Variants in HDAC4 observed in about 807,000 individuals in gnomAD.
The protein encoded by HDAC4 is histone deacetylase A.
In HDAC4, 16 loss-of-function variants were observed where a neutral mutation model predicts 135.1. That is an observed-to-expected ratio of 0.12 (90% CI 0.08 to 0.18). The LOEUF (loss-of-function observed/expected upper bound fraction) is 0.18. Among genes scored for constraint, HDAC4 ranks in the 10% least tolerant of loss-of-function variants. HDAC4 has a pLI of 1.00. For missense variants in HDAC4, 1,143 were observed against 1,511.8 expected, an observed-to-expected ratio of 0.76 and a Z score of 4.05; for synonymous variants, 685 against 653.4, an observed-to-expected ratio of 1.05 and a Z score of -0.74.
intron 3 of HDAC4, chr2:239,190,957 T>G (rs764637745): frequency 2.1e-6 from 1 of 465,808 alleles, no homozygotes; most frequent in African/African-American, 2.0e-5. Context: ...TCTGAAAGCA[T>G]GCAGTGTGTG....
At chr2:239,055,378 C>T (rs550172886) in intron 24 of HDAC4, 2 of 180,870 alleles carry the variant, frequency 1.1e-5, no homozygotes, top group East Asian at 2.9e-4. Context: ...GTTTACAAGT[C>T]AATGACAGGG....
At chr2:239,371,056 G>A (rs1639529785) in intron 1 of HDAC4, among the ~76,000 whole-genome samples, 2 of 152,174 alleles carry the variant, frequency 1.3e-5, no homozygotes, top group Admixed American at 1.3e-4. Flanking sequence ...CTCAGCTCCT[G>A]GCAGCCACAG....
chr2:239,296,792 G>A (rs539825136), intron 2 of HDAC4, among the ~76,000 whole-genome samples: 7 of 152,218 alleles, frequency 4.6e-5, no homozygotes, highest in African/African-American at 7.2e-5. Context: ...ACCTCCGCCC[G>A]GGAGATTCTT....
chr2:239,163,992 G>A (rs528271684), intron 5 of HDAC4, 69 bp from the exon 6 acceptor site: 63 of 1,596,328 alleles, frequency 3.9e-5, no homozygotes, highest in African/African-American at 8.0e-5. Context: ...GCAGGGCAGC[G>A]GGGCCACAGA....
intron 2 of HDAC4, among the ~76,000 whole-genome samples, chr2:239,259,849 G>C (rs1325867601): frequency 6.6e-6 from 1 of 152,238 alleles, no homozygotes; most frequent in Non-Finnish European, 1.5e-5. Flanking sequence ...ATCACAGCCT[G>C]CAAGTAGGAA....
rs1319206956 is a variant in HDAC4 at position 239,245,086 on chromosome 2, C to T, written c.23-8422G>A. On this transcript the variant is annotated intron_variant, in intron 2 of 26. Coordinates refer to ENST00000543185, the MANE Select transcript of HDAC4 (RefSeq NM_001378414.1). The surrounding 1 kb of genome is among the most constrained non-coding windows in gnomAD (Gnocchi z 4.4). ...AGGCATGTCCAACATAGTTTATGTG[C>T]ATTTATTAGAGAAAATGAAAATGGA... 2.6e-5 allele frequency among the ~76,000 whole-genome samples: 4 copies of T among 152,186 alleles called. No homozygotes were observed. Among genetic ancestry groups the T allele is most frequent in the Non-Finnish European group, 5.9e-5 (4 of 68,030 alleles).
chr2:239,109,702 G>A (rs1575060584), intron 14 of HDAC4, among the ~76,000 whole-genome samples: 1 of 152,140 alleles, frequency 6.6e-6, no homozygotes, highest in Middle Eastern at 3.4e-3. Flanking sequence ...GGGCATGGCT[G>A]TGCTTGGGAG....
At chr2:239,266,315 T>G (rs1283736048) in intron 2 of HDAC4, among the ~76,000 whole-genome samples, 3 of 150,606 alleles carry the variant, frequency 2.0e-5, no homozygotes, top group Non-Finnish European at 4.5e-5. Flanking sequence ...GAGCCCACAC[T>G]GAGATTCTGA....
Position 239,299,799 on chromosome 2 carries a change from G to A in HDAC4, c.22+52879C>T, listed in dbSNP as rs1019607630. On this transcript the variant is annotated intron_variant, in intron 2 of 26. Transcript: ENST00000543185. This position sits in a 1 kb window ranked among gnomAD's most constrained non-coding sequence, Gnocchi z 4.0. Reference sequence around the variant, plus strand: ...GGCACAGCTGTTCCGCTCTGCTCCCGGCATGTCACAGGGGAGGCACACACC... The same window carrying A: ...GGCACAGCTGTTCCGCTCTGCTCCCAGCATGTCACAGGGGAGGCACACACC... 1.3e-5 allele frequency among the ~76,000 whole-genome samples: 2 copies of A among 152,146 alleles called. No individual in the cohort carries two copies. Among genetic ancestry groups the A allele is most frequent in the Non-Finnish European group, 2.9e-5 (2 of 68,028 alleles).
intron 2 of HDAC4, among the ~76,000 whole-genome samples, chr2:239,333,739 T>C (rs1433612045): frequency 6.6e-6 from 1 of 152,188 alleles, no homozygotes; most frequent in Non-Finnish European, 1.5e-5. Flanking sequence ...ATATCTGCAA[T>C]TTCACATGAC....
intron 12 of HDAC4, among the ~76,000 whole-genome samples, chr2:239,120,689 C>A (rs1331538043): frequency 6.6e-6 from 1 of 151,952 alleles, no homozygotes; most frequent in African/African-American, 2.4e-5. Context: ...GCTGCCCCAT[C>A]CCAGCAATGA....
Position 239,245,673 on chromosome 2 carries a change from G to A in HDAC4, c.23-9009C>T, listed in dbSNP as rs1464471489. ...ATTTCCTGGCGGGAGGTGGCTGTGG[G>A]CACTCGCTCTATGCACTGGTCTCTT... On this transcript the variant is annotated intron_variant, in intron 2 of 26. Coordinates refer to ENST00000543185, the MANE Select transcript of HDAC4 (RefSeq NM_001378414.1). This position sits in a 1 kb window ranked among gnomAD's most constrained non-coding sequence, Gnocchi z 4.4. 6.6e-6 allele frequency among the ~76,000 whole-genome samples: 1 copy of A among 152,106 alleles called. No individual in the cohort carries two copies. The highest frequency in any genetic ancestry group is 1.9e-4 in the East Asian group (1 of 5,194).
At chr2:239,366,763 T>A (rs149197042) in intron 1 of HDAC4, among the ~76,000 whole-genome samples, 1 of 151,500 alleles carries the variant, frequency 6.6e-6, no homozygotes, top group South Asian at 2.1e-4. Context: ...AAAAGGCCAG[T>A]GGGGTCCCAG....
intron 13 of HDAC4, among the ~76,000 whole-genome samples, chr2:239,112,697 A>G (rs2038785981): frequency 6.6e-6 from 1 of 152,222 alleles, no homozygotes; most frequent in African/African-American, 2.4e-5. Context: ...CTCCCCAGAC[A>G]GCAGCTGAGG....
intron 3 of HDAC4, among the ~76,000 whole-genome samples, chr2:239,197,882 T>TGTTTGC: frequency 6.6e-6 from 1 of 150,422 alleles, no homozygotes; most frequent in South Asian, 2.1e-4. Context: ...TGTGTGTGTG[T>TGTTTGC]GCTGAGTGTC....
chr2:239,302,748 C>T (rs557692152), intron 2 of HDAC4, among the ~76,000 whole-genome samples: 3 of 152,366 alleles, frequency 2.0e-5, no homozygotes, highest in African/African-American at 7.2e-5. Context: ...GTTTCGTGGG[C>T]GCACCCCTGC....
intron 2 of HDAC4, among the ~76,000 whole-genome samples, chr2:239,242,148 GAAAGAGAAAGAAAGA>G (rs796486206): frequency 7.5e-5 from 11 of 146,392 alleles, no homozygotes; most frequent in Non-Finnish European, 1.2e-4. Context: ...AAGAAAGAAA[GAAAGAGAAAGAAAGA>G]AAAGAGAAAG....
chr2:239,068,827 T>C lies in HDAC4; in HGVS notation c.2751-220A>G. The C allele has an allele frequency of 3.3e-6, 2 of 600,768 alleles. No homozygotes were observed. Among genetic ancestry groups the C allele is most frequent in the Non-Finnish European group, 6.2e-6 (2 of 324,458 alleles). 37.2% of individuals were successfully genotyped at this position (600,768 alleles called of 1,614,324 possible). ...CCAGGCTCATTTCACATCTTCACAG[T>C]GCAAGCCAGCAAGCCCCACGACACT... On this transcript the variant is annotated intron_variant, in intron 22 of 26. Coordinates refer to ENST00000543185, the MANE Select transcript of HDAC4 (RefSeq NM_001378414.1). This position sits in a 1 kb window ranked among gnomAD's most constrained non-coding sequence, Gnocchi z 4.4.
chr2:239,186,215 G>T (rs147078389), intron 4 of HDAC4, among the ~76,000 whole-genome samples: 36 of 152,090 alleles, frequency 2.4e-4, no homozygotes, highest in African/African-American at 7.2e-4. Flanking sequence ...TCTCCTAAAA[G>T]ATCCTATTTA....
Sources: allele counts gnomAD v4.1 joint callset (sites outside exome capture counted in the v4.1 genomes callset), GRCh38; gene constraint gnomAD v4.1.1; non-coding constraint Gnocchi (gnomAD v3.1); transcripts MANE v1.5; gene names NCBI Gene and HGNC (gene_info 2026-07-23, HGNC 2026-07-21).